Variants in FGF16 observed in about 807,000 individuals in gnomAD.
FGF16 encodes the protein fibroblast growth factor 16.
FGF16 carries 2 observed loss-of-function variants against 8.5 expected under a neutral mutation model. The observed-to-expected ratio is 0.24, with a 90% CI of 0.10 to 0.75. The LOEUF is 0.75. FGF16 is among the 30% of genes least tolerant of loss of function. FGF16 has a pLI of 0.74. For synonymous variants in FGF16, 33 were observed against 34.6 expected (o/e 0.95, Z 0.16); for missense variants, 79 against 87.4 (o/e 0.90, Z 0.38).
chrX:77,456,690 T>C lies in FGF16; in HGVS notation c.*168T>C, dbSNP rs904251699. ...GTTCCCTTGTTGTTCAAAGTGTATATCAAGGTTGGGTTATTTTGGGGAGGG... is the reference window on the plus strand; with the variant it reads ...GTTCCCTTGTTGTTCAAAGTGTATACCAAGGTTGGGTTATTTTGGGGAGGG... On this transcript the variant is annotated 3_prime_UTR_variant, in exon 3 of 3. Coordinates refer to ENST00000439435, the MANE Select transcript of FGF16 (RefSeq NM_003868.3). 9 of 475,307 alleles carry C rather than the reference T, an allele frequency of 1.9e-5. No homozygotes were observed. The highest frequency in any genetic ancestry group is 3.1e-5 in the Non-Finnish European group (9 of 291,100). 39.2% of individuals were successfully genotyped at this position (475,307 alleles called of 1,213,427 possible). A position where few individuals can be genotyped will look rare whatever the true frequency, so the allele number is the denominator to read the frequency against.
intron 1 of FGF16, among the ~76,000 whole-genome samples, chrX:77,453,691 T>C (rs2062563748): frequency 9.0e-6 from 1 of 111,096 alleles, no homozygotes; most frequent in African/African-American, 3.3e-5. Flanking sequence ...TTTAAGGACA[T>C]GGGGGCTGAC....
intron 1 of FGF16, among the ~76,000 whole-genome samples, chrX:77,450,623 T>C (rs1355573743): frequency 8.9e-6 from 1 of 112,465 alleles, no homozygotes; most frequent in Non-Finnish European, 1.9e-5. Context: ...AAAGCAGCAC[T>C]GTCTCGGCCC....
intron 1 of FGF16, among the ~76,000 whole-genome samples, chrX:77,449,083 C>T (rs1219537537): frequency 1.8e-5 from 2 of 111,440 alleles, no homozygotes; most frequent in Non-Finnish European, 3.8e-5. Context: ...CCTCTCCATC[C>T]TCCTATTCTC....
chrX:77,453,728 G>A (rs1352918074), intron 1 of FGF16, among the ~76,000 whole-genome samples: 5 of 111,626 alleles, frequency 4.5e-5, no homozygotes, highest in East Asian at 2.8e-4. Context: ...TCAGCCTAGA[G>A]GACAGCAAGG....
chrX:77,456,046 A>G (rs1421510922), intron 2 of FGF16, among the ~76,000 whole-genome samples: 1 of 112,364 alleles, frequency 8.9e-6, no homozygotes, highest in Admixed American at 9.4e-5. Context: ...TCCCTTCAGG[A>G]AAGATTTCAA....
At chrX:77,456,141 C>A (rs2062571146) in intron 2 of FGF16, 136 bp from the exon 3 acceptor site, 2 of 551,384 alleles carry the variant, frequency 3.6e-6, no homozygotes, top group Non-Finnish European at 6.1e-6. Flanking sequence ...AAAGTTACCT[C>A]CAGTAATACA....
At chrX:77,452,430 C>G (rs1322126151) in intron 1 of FGF16, among the ~76,000 whole-genome samples, 1 of 112,837 alleles carries the variant, frequency 8.9e-6, no homozygotes, top group African/African-American at 3.2e-5. Flanking sequence ...TTGTCTCAAT[C>G]TCATTTCCCG....
rs782087144 is a variant in FGF16 at position 77,456,572 on chromosome X, G to A, written c.*50G>A. On this transcript the variant is annotated 3_prime_UTR_variant, in exon 3 of 3. Transcript: ENST00000439435. ...ACCCATGTACCCTGGGGCCACGGTT[G>A]TCTCTGCAAGCACTATATTCATAGC... 3.6e-6 allele frequency: 4 copies of A among 1,110,758 alleles called. No individual in the cohort carries two copies. Among genetic ancestry groups the A allele is most frequent in the Non-Finnish European group, 3.7e-6 (3 of 812,454 alleles). 91.5% of individuals were successfully genotyped at this position (1,110,758 alleles called of 1,213,427 possible). A position where few individuals can be genotyped will look rare whatever the true frequency, so the allele number is the denominator to read the frequency against.
At chrX:77,455,891 C>T (rs1557027065) in intron 2 of FGF16, among the ~76,000 whole-genome samples, 1 of 111,950 alleles carries the variant, frequency 8.9e-6, no homozygotes, top group Non-Finnish European at 1.9e-5. Flanking sequence ...TGTTAGTTGA[C>T]ATGGTTGACT....
At chrX:77,450,117 A>G (rs1320896106) in intron 1 of FGF16, among the ~76,000 whole-genome samples, 4 of 112,592 alleles carry the variant, frequency 3.6e-5, no homozygotes, top group Non-Finnish European at 7.5e-5. Context: ...TATTCAATAA[A>G]TTGAAACTTT....
intron 1 of FGF16, 77 bp downstream of exon 1, chrX:77,448,025 G>A (rs1436453383): frequency 6.8e-6 from 2 of 296,216 alleles, no homozygotes; most frequent in Non-Finnish European, 1.2e-5. Flanking sequence ...TCAGGCGTAG[G>A]GCCCGCAGAC....
At chrX:77,450,238 AG>A (rs782712131) in intron 1 of FGF16, among the ~76,000 whole-genome samples, 1 of 112,140 alleles carries the variant, frequency 8.9e-6, no homozygotes, top group South Asian at 3.7e-4. Flanking sequence ...AGTCTCCAAA[AG>A]CCATGTGAAG....
Position 77,447,877 on chromosome X carries a change from G to A in FGF16, c.203G>A (p.Arg68His). 1 of 298,162 alleles carries A rather than the reference G, an allele frequency of 3.4e-6. No homozygotes were observed. Among genetic ancestry groups the A allele is most frequent in the Non-Finnish European group, 5.9e-6 (1 of 170,468 alleles). The allele number at this position is 298,162 out of a possible 1,213,427, so 24.6% of individuals were successfully genotyped here. The part of the protein sequence containing the change: ...GILRRRQLYC[R>H]TGFHLEIFPN... ...CTGCGGCGCCGCCAGCTCTACTGCCGCACCGGCTTCCACCTGGAGATCTTC... is the reference window on the plus strand; with the variant it reads ...CTGCGGCGCCGCCAGCTCTACTGCCACACCGGCTTCCACCTGGAGATCTTC... The change falls in exon 1 of 3, where the codon CGC becomes CAC. Residue 68 changes from arginine (R) to histidine (H), a missense_variant. Coordinates refer to ENST00000439435, the MANE Select transcript of FGF16 (RefSeq NM_003868.3).
chrX:77,454,078 A>T, intron 1 of FGF16, 79 bp from the exon 2 acceptor site: 3 of 648,112 alleles, frequency 4.6e-6, no homozygotes, highest in Admixed American at 2.9e-5. Flanking sequence ...GGGACAAATG[A>T]CTGGTAGCTC....
Position 77,454,053 on chromosome X carries a change from G to A in FGF16, c.275-104G>A, listed in dbSNP as rs73224157. The A allele has an allele frequency of 0.027, 14,727 of 546,513 alleles. 205 individuals carry two copies. Among genetic ancestry groups the A allele is most frequent in the Non-Finnish European group, 0.036 (11,514 of 320,812 alleles). The allele number at this position is 546,513 out of a possible 1,213,427, so 45.0% of individuals were successfully genotyped here. On this transcript the variant is annotated intron_variant, in intron 1 of 2. Transcript: ENST00000439435. Reference sequence around the variant, plus strand: ...AGGCATTTTATCAAAGGCACACAGGGCTGGCCTCCAGTTGGGGACAAATGA... The same window carrying A: ...AGGCATTTTATCAAAGGCACACAGGACTGGCCTCCAGTTGGGGACAAATGA...
intron 2 of FGF16, among the ~76,000 whole-genome samples, chrX:77,455,855 C>A (rs190618887): frequency 5.6e-4 from 63 of 112,017 alleles, no homozygotes; most frequent in African/African-American, 1.9e-3. Context: ...TCCCATGGAG[C>A]TTTATATAGA....
chrX:77,447,681 G>A lies in FGF16; in HGVS notation c.7G>A (p.Glu3Lys), dbSNP rs2062545304. MAEVGGVFASLDW... is the reference protein window; with the variant it reads MAKVGGVFASLDW... ...CGCCGCAATCGGCCCAGCCATGGCA[G>A]AGGTGGGGGGCGTCTTCGCCTCCTT... The change falls in exon 1 of 3, where the codon GAG (glutamate) becomes AAG (lysine). Residue 3 changes from glutamate (E) to lysine (K), a missense_variant. Physicochemically the swap from Glu to Lys is moderately conservative, Grantham distance 56. Transcript: ENST00000439435. 1 of 296,419 alleles carries A rather than the reference G, an allele frequency of 3.4e-6. No individual in the cohort carries two copies. The allele number at this position is 296,419 out of a possible 1,213,427, so 24.4% of individuals were successfully genotyped here. A position where few individuals can be genotyped will look rare whatever the true frequency, so the allele number is the denominator to read the frequency against.
In FGF16 at chrX:77,456,653, C is replaced by A; in HGVS notation, c.*131C>A. On this transcript the variant is annotated 3_prime_UTR_variant, in exon 3 of 3. Coordinates refer to ENST00000439435, the MANE Select transcript of FGF16 (RefSeq NM_003868.3). Reference sequence around the variant, plus strand: ...TAACAGAAAAGCACTTACTGTTGAACTCAACCCAGCTGTTCCCTTGTTGTT... The same window carrying A: ...TAACAGAAAAGCACTTACTGTTGAAATCAACCCAGCTGTTCCCTTGTTGTT... 1 of 627,253 alleles carries A rather than the reference C, an allele frequency of 1.6e-6. No individual in the cohort carries two copies. The highest frequency in any genetic ancestry group is 2.5e-6 in the Non-Finnish European group (1 of 408,022). The allele number at this position is 627,253 out of a possible 1,213,427, so 51.7% of individuals were successfully genotyped here.
intron 1 of FGF16, among the ~76,000 whole-genome samples, chrX:77,450,414 G>T (rs1211057770): frequency 8.9e-6 from 1 of 112,386 alleles, no homozygotes; most frequent in Non-Finnish European, 1.9e-5. Context: ...CAGTAGCCAG[G>T]AGTATTTCAA....
Sources: allele counts gnomAD v4.1 joint callset (sites outside exome capture counted in the v4.1 genomes callset), GRCh38; gene constraint gnomAD v4.1.1; transcripts MANE v1.5; gene names NCBI Gene and HGNC (gene_info 2026-07-23, HGNC 2026-07-21).